Variants in ANKS1B observed in about 807,000 individuals in gnomAD.
ANKS1B encodes ankyrin repeat and sterile alpha motif domain-containing protein 1B.
In ANKS1B, 36 loss-of-function variants were observed where a neutral mutation model predicts 148.3. The observed-to-expected ratio is 0.24, with a 90% CI of 0.19 to 0.32. The LOEUF (loss-of-function observed/expected upper bound fraction) is 0.32. Ranked by LOEUF, ANKS1B falls within the 10% of genes least tolerant of loss-of-function variation. ANKS1B has a pLI of 1.00. For synonymous variants in ANKS1B, 542 were observed against 560.8 expected (o/e 0.97, Z 0.47); for missense variants, 1,157 against 1,542.6 (o/e 0.75, Z 4.19).
intron 12 of ANKS1B, among the ~76,000 whole-genome samples, chr12:99,279,082 T>C (rs2078054889): frequency 6.6e-6 from 1 of 152,148 alleles, no homozygotes; most frequent in Admixed American, 6.5e-5. Flanking sequence ...CCTCACCACA[T>C]GCCCATTCAC....
intron 1 of ANKS1B, 76 bp from the exon 2 acceptor site, chr12:99,825,465 C>T: frequency 6.2e-6 from 7 of 1,134,402 alleles, no homozygotes; most frequent in Non-Finnish European, 7.7e-6. Flanking sequence ...AGGCTGGTAG[C>T]CCCACAGTCA....
At chr12:99,982,215 C>T (rs896445409) in intron 1 of ANKS1B, among the ~76,000 whole-genome samples, 1 of 151,734 alleles carries the variant, frequency 6.6e-6, no homozygotes, top group African/African-American at 2.4e-5. Flanking sequence ...ACTACTACAC[C>T]AGCAAAAGAG....
chr12:99,826,829 T>C (rs1321966030), intron 1 of ANKS1B, among the ~76,000 whole-genome samples: 1 of 152,078 alleles, frequency 6.6e-6, no homozygotes, highest in Non-Finnish European at 1.5e-5. Flanking sequence ...CAAAGTTGTA[T>C]GCCAGGCTCA....
intron 17 of ANKS1B, among the ~76,000 whole-genome samples, chr12:99,008,992 G>A (rs2099937749): frequency 6.6e-6 from 1 of 152,186 alleles, no homozygotes. Context: ...CAGGATGCTG[G>A]AGCCTGCATG....
At chr12:98,951,087 G>A (rs1351152606) in intron 17 of ANKS1B, among the ~76,000 whole-genome samples, 6 of 152,186 alleles carry the variant, frequency 3.9e-5, no homozygotes, top group Non-Finnish European at 7.3e-5. Flanking sequence ...TATGTGAAGA[G>A]TCTCAAAGGA....
chr12:98,942,749 T>A (rs773801415), intron 17 of ANKS1B, among the ~76,000 whole-genome samples: 4 of 152,222 alleles, frequency 2.6e-5, no homozygotes, highest in Non-Finnish European at 5.9e-5. Flanking sequence ...TGATTATGCA[T>A]CAAACACCCC....
chr12:98,777,484 C>A (rs535085709), intron 24 of ANKS1B, among the ~76,000 whole-genome samples: 7 of 152,238 alleles, frequency 4.6e-5, no homozygotes, highest in African/African-American at 1.7e-4. Flanking sequence ...TGTCTCCTCT[C>A]GGAAGACCTC....
rs529367126 is a variant in ANKS1B at position 99,072,772 on chromosome 12, A to G, written c.2625+12153T>C. On this transcript the variant is annotated intron_variant, in intron 16 of 26. Transcript: ENST00000683438. ...CATTTCTTGCTTAATAGTTCTCCATAGCATTTATCATTACCTGAAATTATA... is the reference window on the plus strand; with the variant it reads ...CATTTCTTGCTTAATAGTTCTCCATGGCATTTATCATTACCTGAAATTATA... 1.4e-4 allele frequency among the ~76,000 whole-genome samples: 21 copies of G among 152,294 alleles called. No individual in the cohort carries two copies. In the South Asian group the frequency reaches 4.4e-3, roughly 32 times the overall value.
At chr12:99,811,485 A>G (rs1334638235) in intron 3 of ANKS1B, among the ~76,000 whole-genome samples, 2 of 151,914 alleles carry the variant, frequency 1.3e-5, no homozygotes, top group East Asian at 3.9e-4. Context: ...TTTACTTTCT[A>G]GAATCTGTGG....
chr12:99,297,830 C>T (rs983032375), intron 12 of ANKS1B, among the ~76,000 whole-genome samples: 10 of 152,114 alleles, frequency 6.6e-5, no homozygotes, highest in Admixed American at 3.9e-4. Flanking sequence ...ACATGGTAAT[C>T]ATGTTTAAAT....
chr12:99,270,213 C>A (rs2076892261), intron 12 of ANKS1B, among the ~76,000 whole-genome samples: 1 of 152,112 alleles, frequency 6.6e-6, no homozygotes, highest in African/African-American at 2.4e-5. Flanking sequence ...GTATCTCAGC[C>A]CATCGGATTT....
intron 17 of ANKS1B, among the ~76,000 whole-genome samples, chr12:98,845,741 T>C (rs1210269304): frequency 6.6e-6 from 1 of 151,788 alleles, no homozygotes; most frequent in Non-Finnish European, 1.5e-5. Context: ...TTTTTTTAAT[T>C]AAGGTAACTT....
At chr12:98,866,738 C>G (rs1471519774) in intron 17 of ANKS1B, among the ~76,000 whole-genome samples, 9 of 152,234 alleles carry the variant, frequency 5.9e-5, no homozygotes, top group Admixed American at 2.0e-4. Flanking sequence ...TCTCATTTCC[C>G]TTTCCCTATA....
intron 14 of ANKS1B, among the ~76,000 whole-genome samples, chr12:99,191,781 G>A (rs766311289): frequency 5.9e-5 from 9 of 152,028 alleles, no homozygotes; most frequent in Admixed American, 6.6e-5. Context: ...ACCGTGGCAC[G>A]TGTATACCTA....
chr12:99,396,285 C>T (rs942136274), intron 12 of ANKS1B, among the ~76,000 whole-genome samples: 1 of 152,124 alleles, frequency 6.6e-6, no homozygotes, highest in Middle Eastern at 3.2e-3. Flanking sequence ...CTCTTCAACT[C>T]ATTCTCTTTA....
At chr12:99,836,609 T>C (rs2084896677) in intron 1 of ANKS1B, among the ~76,000 whole-genome samples, 1 of 152,062 alleles carries the variant, frequency 6.6e-6, no homozygotes, top group Non-Finnish European at 1.5e-5. Flanking sequence ...TGCCACAAGA[T>C]GGAATTTTAG....
At chr12:99,473,595 A>T (rs983092414) in intron 10 of ANKS1B, among the ~76,000 whole-genome samples, 1 of 152,018 alleles carries the variant, frequency 6.6e-6, no homozygotes, top group Non-Finnish European at 1.5e-5. Flanking sequence ...ACAATACTTG[A>T]TATTGTCAGA....
At chr12:99,476,682 G>A (rs2096327881) in intron 10 of ANKS1B, among the ~76,000 whole-genome samples, 1 of 152,148 alleles carries the variant, frequency 6.6e-6, no homozygotes, top group African/African-American at 2.4e-5. Context: ...TTCACTGGAA[G>A]AATTAAAATG....
intron 11 of ANKS1B, among the ~76,000 whole-genome samples, chr12:99,427,836 A>C (rs994956023): frequency 6.6e-6 from 1 of 152,168 alleles, no homozygotes; most frequent in East Asian, 1.9e-4. Flanking sequence ...AAGAAAGAAC[A>C]GAAGTTAACC....
Sources: gnomAD v4.1 joint callset for allele counts (sites outside exome capture counted in the v4.1 genomes callset) on GRCh38, gnomAD v4.1.1 for gene constraint, MANE v1.5 for transcripts, NCBI Gene and HGNC (gene_info 2026-07-23, HGNC 2026-07-21) for gene names.